FAM184A: variants seen among roughly 807,000 people sequenced by gnomAD.
FAM184A encodes the protein protein FAM184A.
A neutral mutation model predicts 143.8 loss-of-function variants in FAM184A; 99 were observed. The observed-to-expected ratio is 0.69, with a 90% confidence interval of 0.58 to 0.81. FAM184A has a LOEUF of 0.81. FAM184A is among the 40% of genes least tolerant of loss of function. FAM184A has a pLI of 0.00. For missense variants in FAM184A, 1,217 were observed against 1,310.5 expected (o/e 0.93, Z 1.10); for synonymous variants, 427 against 446.4 (o/e 0.96, Z 0.55).
intron 1 of FAM184A, among the ~76,000 whole-genome samples, chr6:119,135,714 A>G (rs1179769409): frequency 6.6e-6 from 1 of 152,186 alleles, no homozygotes; most frequent in Non-Finnish European, 1.5e-5. Flanking sequence ...ATTTGTTCTC[A>G]GAATTCCCTC....
intron 1 of FAM184A, among the ~76,000 whole-genome samples, chr6:119,050,891 C>T (rs1034517591): frequency 7.3e-5 from 11 of 151,398 alleles, no homozygotes; most frequent in Non-Finnish European, 1.3e-4. Context: ...TGCAAACTAA[C>T]TCAGGAAAAG....
rs556939153 is a variant in FAM184A, at chr6:119,055,227, T to G, written c.159+22914A>C. Among the ~76,000 whole-genome samples, 14 of 152,338 alleles carry G rather than the reference T, an allele frequency of 9.2e-5. No homozygotes were observed. The South Asian group carries it at 2.1e-3, about 23-fold the overall frequency. On this transcript the variant is annotated intron_variant, in intron 1 of 17. Coordinates refer to ENST00000338891, the MANE Select transcript of FAM184A (RefSeq NM_024581.6). ...TCTACATTGTAGCATATATCAGTAT[T>G]TCATTCCTTTTTATGGGCAAATAAT...
chr6:119,048,105 C>T (rs190287406), intron 1 of FAM184A, among the ~76,000 whole-genome samples: 1 of 152,168 alleles, frequency 6.6e-6, no homozygotes, highest in African/African-American at 2.4e-5. Flanking sequence ...TGATTCATCA[C>T]ATAAACAGAA....
At chr6:119,022,860 G>A (rs974222497) in intron 3 of FAM184A, 85 bp downstream of exon 3, 1 of 1,549,882 alleles carries the variant, frequency 6.5e-7, no homozygotes, top group Admixed American at 1.7e-5. Context: ...CTGGGCGACA[G>A]AGCAAGACTC....
At chr6:119,021,391 C>T (rs1240802357) in intron 3 of FAM184A, among the ~76,000 whole-genome samples, 2 of 152,204 alleles carry the variant, frequency 1.3e-5, no homozygotes, top group Non-Finnish European at 2.9e-5. Flanking sequence ...ATACCAGCCA[C>T]TTGAGAAATA....
intron 1 of FAM184A, among the ~76,000 whole-genome samples, chr6:119,065,452 TA>T (rs1787414059): frequency 6.6e-6 from 1 of 152,238 alleles, no homozygotes; most frequent in African/African-American, 2.4e-5. Flanking sequence ...AAGTGTCAGA[TA>T]ATAAACACTT....
At position 119,024,578 on chromosome 6, in the gene FAM184A, T is replaced by C. The variant is rs1319056531; in HGVS notation, c.395A>G (p.Tyr132Cys). 3 of 1,614,222 alleles carry C rather than the reference T, an allele frequency of 1.9e-6. No homozygotes were observed. The highest frequency in any genetic ancestry group is 2.2e-5 in the South Asian group (2 of 91,086). Residue 132 changes from tyrosine to cysteine, a missense_variant, in exon 2 of 18, where the codon TAT (tyrosine) becomes TGT (cysteine). Transcript: ENST00000338891. ...KQQALTEFEA[Y>C]KHRVEDMQLC... Reference sequence around the variant, plus strand: ...TTGCATGTCCTCAACTCTGTGCTTATAAGCTTCAAATTCTGTCAAAGCCTG... The same window carrying C: ...TTGCATGTCCTCAACTCTGTGCTTACAAGCTTCAAATTCTGTCAAAGCCTG...
rs538342368 is a variant in FAM184A, at chr6:119,146,726, G to A, written c.-202+2352C>T. Among the ~76,000 whole-genome samples, 64 of 152,180 alleles carry A rather than the reference G, an allele frequency of 4.2e-4. 1 individual carries two copies. In the South Asian group the frequency reaches 0.013, roughly 32 times the overall value. The stretch of plus-strand genomic sequence containing the variant: ...TAAGGAATAATGTCAGCATAGTATG[G>A]GGGTTGTTGGTCGACATGTATCTTT... On this transcript the variant is annotated intron_variant, in intron 1 of 16. Coordinates refer to the FAM184A transcript ENST00000352896.
chr6:119,053,831 A>G (rs1311434376), intron 1 of FAM184A, among the ~76,000 whole-genome samples: 2 of 152,238 alleles, frequency 1.3e-5, no homozygotes, highest in Non-Finnish European at 2.9e-5. Context: ...TCTGAAACAG[A>G]GTAGTATTAT....
intron 1 of FAM184A, among the ~76,000 whole-genome samples, chr6:119,112,932 G>A (rs1007180142): frequency 3.3e-5 from 5 of 152,176 alleles, no homozygotes; most frequent in Non-Finnish European, 7.4e-5. Flanking sequence ...TGCCATAAAA[G>A]GGCACTTACA....
chr6:118,961,487 GTAAT>G (rs1232034959), intron 17 of FAM184A, among the ~76,000 whole-genome samples: 1 of 151,710 alleles, frequency 6.6e-6, no homozygotes, highest in Admixed American at 6.6e-5. Context: ...TAAAAATAAA[GTAAT>G]TGTGCATAAT....
chr6:119,124,461 T>C (rs1398291780), intron 1 of FAM184A, among the ~76,000 whole-genome samples: 1 of 152,194 alleles, frequency 6.6e-6, no homozygotes, highest in Non-Finnish European at 1.5e-5. Flanking sequence ...GCTTTAACTT[T>C]CTGCCAGTAA....
intron 1 of FAM184A, among the ~76,000 whole-genome samples, chr6:119,042,008 T>C (rs1394952820): frequency 3.3e-5 from 5 of 152,004 alleles, no homozygotes; most frequent in African/African-American, 1.2e-4. Context: ...CGCCACCATC[T>C]TGGGAGCTCT....
intron 1 of FAM184A, among the ~76,000 whole-genome samples, chr6:119,127,079 G>A (rs1441773410): frequency 6.6e-6 from 1 of 152,164 alleles, no homozygotes; most frequent in African/African-American, 2.4e-5. Flanking sequence ...GCCATGGGTG[G>A]TTTTGGAAAA....
intron 1 of FAM184A, among the ~76,000 whole-genome samples, chr6:119,041,786 C>T (rs1383059455): frequency 2.0e-5 from 3 of 152,218 alleles, no homozygotes; most frequent in African/African-American, 7.2e-5. Context: ...GGGCTAAAGG[C>T]TTGCCATTGG....
intron 1 of FAM184A, among the ~76,000 whole-genome samples, chr6:119,127,736 GTCATA>G: frequency 6.6e-6 from 1 of 152,298 alleles, no homozygotes; most frequent in South Asian, 2.1e-4. Flanking sequence ...TTCCCAAGAT[GTCATA>G]ACAGTTGGGA....
intron 1 of FAM184A, among the ~76,000 whole-genome samples, chr6:119,067,148 T>G (rs1787480612): frequency 6.6e-6 from 1 of 152,318 alleles, no homozygotes; most frequent in East Asian, 1.9e-4. Context: ...ACAATTAACA[T>G]ACAAGGAAAG....
At chr6:118,961,676 TAAAG>T in intron 17 of FAM184A, 81 bp downstream of exon 17, 2 of 1,101,578 alleles carry the variant, frequency 1.8e-6, no homozygotes, top group South Asian at 1.4e-5. Context: ...AGGTTGTTCT[TAAAG>T]TAGTGATTTC....
At chr6:119,045,724 G>A (rs1376245435) in intron 1 of FAM184A, among the ~76,000 whole-genome samples, 5 of 152,020 alleles carry the variant, frequency 3.3e-5, no homozygotes, top group African/African-American at 1.2e-4. Context: ...ACTCAAAGCT[G>A]CAATAACAAA....
Sources: gnomAD v4.1 joint callset for allele counts (sites outside exome capture counted in the v4.1 genomes callset) on GRCh38, gnomAD v4.1.1 for gene constraint, MANE v1.5 for transcripts, NCBI Gene and HGNC (gene_info 2026-07-23, HGNC 2026-07-21) for gene names.